Variants in PCDH15 observed in about 807,000 individuals in gnomAD.
PCDH15 encodes the protein protocadherin related 15.
Under a neutral mutation model 178.5 loss-of-function variants are expected in PCDH15, and 129 were observed. That is an observed-to-expected ratio of 0.72 (90% confidence interval 0.63 to 0.84). The LOEUF (loss-of-function observed/expected upper bound fraction) is 0.84, where lower values mean the gene tolerates loss of function less well. Ranked by LOEUF, PCDH15 falls within the 40% of genes least tolerant of loss-of-function variation. The probability of loss-of-function intolerance (pLI) is 0.00; values close to 1 mark genes in which losing one functional copy is unlikely to be tolerated. For missense variants in PCDH15, 2,230 were observed against 2,099.9 expected, an observed-to-expected ratio of 1.06 and a Z score of -1.21; for synonymous variants, 800 against 732.0, an observed-to-expected ratio of 1.09 and a Z score of -1.50.
In PCDH15 at chr10:54,108,356, G is replaced by C. The variant is rs571842323; in HGVS notation, c.1918-18293C>G. Among the ~76,000 whole-genome samples, 190 of 152,270 alleles carry C rather than the reference G, an allele frequency of 1.2e-3. No individual in the cohort carries two copies. The Middle Eastern group carries it at 0.024, about 19-fold the overall frequency. On this transcript the variant is annotated intron_variant, in intron 15 of 37. Coordinates refer to ENST00000644397, the MANE Select transcript of PCDH15 (RefSeq NM_001384140.1). ...GAGAGTGCAGCAATTGTGAGGCTTTGCATTGAACTCAGCACTGTTCTGTCA... is the reference window on the plus strand; with the variant it reads ...GAGAGTGCAGCAATTGTGAGGCTTTCCATTGAACTCAGCACTGTTCTGTCA...
intron 2 of PCDH15, among the ~76,000 whole-genome samples, chr10:55,349,086 T>C (rs1032878810): frequency 5.3e-5 from 8 of 152,098 alleles, no homozygotes; most frequent in African/African-American, 1.9e-4. Context: ...GGAGAACTAT[T>C]GGGTCTATTG....
At chr10:55,410,486 C>T (rs116676678) in intron 2 of PCDH15, among the ~76,000 whole-genome samples, 1 of 152,016 alleles carries the variant, frequency 6.6e-6, no homozygotes, top group East Asian at 1.9e-4. Flanking sequence ...AAATTCTATC[C>T]GTAATCAAAG....
At chr10:53,984,371 C>T (rs974642562) in intron 21 of PCDH15, among the ~76,000 whole-genome samples, 2 of 151,846 alleles carry the variant, frequency 1.3e-5, no homozygotes, top group Non-Finnish European at 2.9e-5. Context: ...AGGATGGTCT[C>T]GATCTCCTGA....
At chr10:54,268,810 G>A (rs1477506156) in intron 8 of PCDH15, among the ~76,000 whole-genome samples, 1 of 151,808 alleles carries the variant, frequency 6.6e-6, no homozygotes, top group Non-Finnish European at 1.5e-5. Flanking sequence ...TTGTCTGGTG[G>A]TTGAGGAAAT....
intron 14 of PCDH15, among the ~76,000 whole-genome samples, chr10:54,148,169 T>C (rs2044169345): frequency 6.6e-6 from 1 of 152,032 alleles, no homozygotes; most frequent in South Asian, 2.1e-4. Flanking sequence ...AAACCTTACT[T>C]GGCTCTTATT....
At chr10:54,540,582 A>G (rs2085099714) in intron 2 of PCDH15, among the ~76,000 whole-genome samples, 1 of 152,062 alleles carries the variant, frequency 6.6e-6, no homozygotes, top group African/African-American at 2.4e-5. Flanking sequence ...CAGATGTACA[A>G]AGAAGAGCTG....
chr10:53,828,765 A>G (rs2076854532), intron 30 of PCDH15, among the ~76,000 whole-genome samples, 192 bp from the exon 31 acceptor site: 1 of 152,188 alleles, frequency 6.6e-6, no homozygotes, highest in Non-Finnish European at 1.5e-5. Flanking sequence ...TTACCGTTAG[A>G]GTCATTCAAG....
intron 8 of PCDH15, among the ~76,000 whole-genome samples, chr10:54,276,492 C>G (rs1468330553): frequency 1.3e-5 from 2 of 151,422 alleles, no homozygotes; most frequent in Non-Finnish European, 3.0e-5. Context: ...TTCTGAATAC[C>G]ATGTGGTGGT....
chr10:53,947,835 T>C (rs2086701332), intron 23 of PCDH15, among the ~76,000 whole-genome samples: 1 of 152,206 alleles, frequency 6.6e-6, no homozygotes, highest in African/African-American at 2.4e-5. Context: ...AATCTTCATC[T>C]GGAGGATACA....
Position 54,263,733 on chromosome 10 carries a change from T to C in PCDH15, c.877-26802A>G, listed in dbSNP as rs146236869. ...TCATACTTTCAAGGAGAATAAAAAA[T>C]ATAAAAGCCCTGTGATGGTTAATAT... On this transcript the variant is annotated intron_variant, in intron 8 of 37. Transcript: ENST00000644397. Among the ~76,000 whole-genome samples the C allele has an allele frequency of 4.8e-3, 684 of 142,410 alleles. 3 individuals are homozygous for C. The highest frequency in any genetic ancestry group is 0.017 in the African/African-American group (649 of 37,948). The allele number at this position is 142,410 out of a possible 152,430, so 93.4% of individuals were successfully genotyped here.
intron 2 of PCDH15, among the ~76,000 whole-genome samples, chr10:55,017,883 C>T (rs1171748922): frequency 6.6e-6 from 1 of 151,946 alleles, no homozygotes; most frequent in Non-Finnish European, 1.5e-5. Context: ...AAAGTGTTCC[C>T]ACAATTATCA....
chr10:55,537,529 G>A (rs1841607380), intron 2 of PCDH15, among the ~76,000 whole-genome samples: 1 of 137,576 alleles, frequency 7.3e-6, no homozygotes, highest in Non-Finnish European at 1.6e-5. Context: ...TCCGCCTCCT[G>A]GGTTTAAGCA....
At chr10:54,471,132 A>G (rs1047383141) in intron 3 of PCDH15, among the ~76,000 whole-genome samples, 3 of 152,210 alleles carry the variant, frequency 2.0e-5, no homozygotes, top group Non-Finnish European at 4.4e-5. Flanking sequence ...TAGTTTTACA[A>G]CAAAGCAAGC....
intron 1 of PCDH15, among the ~76,000 whole-genome samples, chr10:54,692,923 C>T (rs2135821975): frequency 6.6e-6 from 1 of 152,100 alleles, no homozygotes; most frequent in Middle Eastern, 3.4e-3. Flanking sequence ...ACAACAACCA[C>T]AACAACAAAA....
At chr10:55,132,692 T>G (rs1331599209) in intron 2 of PCDH15, among the ~76,000 whole-genome samples, 1 of 152,188 alleles carries the variant, frequency 6.6e-6, no homozygotes, top group African/African-American at 2.4e-5. Flanking sequence ...TTTAATACAT[T>G]TATATATAAA....
In PCDH15 at chr10:55,497,797, T is replaced by C. The variant is rs1031795195; in HGVS notation, c.-156+129828A>G. On this transcript the variant is annotated intron_variant, in intron 2 of 5. Coordinates refer to the PCDH15 transcript ENST00000613346. Reference sequence around the variant, plus strand: ...TTTCACACTACTTGAATTCATTTATTTCACATAAACTCACATCACATATCT... The same window carrying C: ...TTTCACACTACTTGAATTCATTTATCTCACATAAACTCACATCACATATCT... 7.2e-5 allele frequency among the ~76,000 whole-genome samples: 11 copies of C among 151,992 alleles called. No individual in the cohort carries two copies. The East Asian group carries it at 2.1e-3, about 30-fold the overall frequency.
chr10:54,220,600 C>T (rs1036092628), intron 9 of PCDH15, among the ~76,000 whole-genome samples: 53 of 152,096 alleles, frequency 3.5e-4, no homozygotes, highest in African/African-American at 1.1e-3. Flanking sequence ...CCGAGACGGG[C>T]GGATCACGAG....
At chr10:55,251,930 A>AAACAAC (rs200380239) in intron 1 of PCDH15, among the ~76,000 whole-genome samples, 3 of 152,112 alleles carry the variant, frequency 2.0e-5, no homozygotes, top group East Asian at 1.9e-4. Context: ...TGTCAAAACA[A>AAACAAC]AACAACAACA....
At chr10:54,510,637 C>T (rs964732956) in intron 3 of PCDH15, among the ~76,000 whole-genome samples, 2 of 152,046 alleles carry the variant, frequency 1.3e-5, no homozygotes, top group Admixed American at 1.3e-4. Flanking sequence ...GTCATTGTTT[C>T]AGACAAAAGG....
Sources: gnomAD v4.1 joint callset for allele counts (sites outside exome capture counted in the v4.1 genomes callset) on GRCh38, gnomAD v4.1.1 for gene constraint, MANE v1.5 for transcripts, NCBI Gene and HGNC (gene_info 2026-07-23, HGNC 2026-07-21) for gene names.